Variants in ANK3 observed in about 807,000 individuals in gnomAD.
ANK3 encodes the protein ankyrin-3.
ANK3 carries 57 observed loss-of-function variants against 370.9 expected under a neutral mutation model. The ratio of observed to expected loss-of-function variants is 0.15; its 90% CI spans 0.12 to 0.19. ANK3 has a LOEUF of 0.19. Among genes scored for constraint, ANK3 ranks in the 10% least tolerant of loss-of-function variants. The pLI, the probability that ANK3 is intolerant of heterozygous loss-of-function variation, is 1.00. For synonymous variants in ANK3, 1,929 were observed against 1,946.3 expected, an observed-to-expected ratio of 0.99 and a Z score of 0.23; for missense variants, 4,439 against 5,302.1, an observed-to-expected ratio of 0.84 and a Z score of 5.06.
At position 60,478,339 on chromosome 10, in the gene ANK3, T is replaced by TA. The variant is rs1482806627; in HGVS notation, c.96+136846dup. ...ACAGTCACATATTTTTCTGCAATGC[T>TA]AAAAAAATCTGTAGCTATTTCAGTA... On this transcript the variant is annotated intron_variant, in intron 2 of 43. Coordinates refer to the ANK3 transcript ENST00000373827. Among the ~76,000 whole-genome samples, 6 of 152,166 alleles carry TA rather than the reference T, an allele frequency of 3.9e-5. No homozygotes were observed. The East Asian group carries it at 5.8e-4, about 15-fold the overall frequency.
At chr10:60,534,513 T>C (rs2076679468) in intron 2 of ANK3, among the ~76,000 whole-genome samples, 1 of 152,084 alleles carries the variant, frequency 6.6e-6, no homozygotes, top group African/African-American at 2.4e-5. Flanking sequence ...TAATTGAAGT[T>C]GCTTCAAAGG....
chr10:60,156,598 C>T (rs2095335662), intron 23 of ANK3, among the ~76,000 whole-genome samples: 1 of 152,152 alleles, frequency 6.6e-6, no homozygotes, highest in Non-Finnish European at 1.5e-5. Context: ...ACTTCCTTTG[C>T]CAGAAAGAGA....
chr10:60,631,251 G>A (rs994775640), intron 1 of ANK3, among the ~76,000 whole-genome samples: 2 of 152,028 alleles, frequency 1.3e-5, no homozygotes, highest in Admixed American at 1.3e-4. Flanking sequence ...AATACTGGCC[G>A]GGCATGGTGG....
Position 60,205,300 on chromosome 10 carries a change from C to T in ANK3, c.1293+492G>A, listed in dbSNP as rs555276847. On this transcript the variant is annotated intron_variant, in intron 11 of 43. Coordinates refer to ENST00000280772, the MANE Select transcript of ANK3 (RefSeq NM_020987.5). ...GTCGTCTTGTGCAGGGTTTCTCAAC[C>T]TCAGCACATTTGACATTTTGAATCA... Among the ~76,000 whole-genome samples the T allele has an allele frequency of 9.1e-4, 138 of 152,288 alleles. 1 individual carries two copies. Among genetic ancestry groups the T allele is most frequent in the African/African-American group, 3.2e-3 (135 of 41,556 alleles).
chr10:60,622,208 T>C (rs1265667822), intron 1 of ANK3, among the ~76,000 whole-genome samples: 1 of 151,984 alleles, frequency 6.6e-6, no homozygotes, highest in Non-Finnish European at 1.5e-5. Context: ...AGCCAGTAAG[T>C]TTGTAGGTAG....
At chr10:60,500,786 A>G (rs10994386) in intron 2 of ANK3, among the ~76,000 whole-genome samples, 18,917 of 152,178 alleles carry the variant, frequency 0.12, 1,136 homozygotes, top group East Asian at 0.16. Context: ...GCCAAAGTGT[A>G]AGAACCACTG....
At chr10:60,246,701 G>C (rs950356840) in intron 7 of ANK3, among the ~76,000 whole-genome samples, 5 of 152,322 alleles carry the variant, frequency 3.3e-5, no homozygotes, top group Admixed American at 6.5e-5. Flanking sequence ...ACAGTACAAG[G>C]CTGTTTATTG....
chr10:60,200,206 T>C lies in ANK3; in HGVS notation c.1414A>G (p.Met472Val), dbSNP rs2096650962. The C allele has an allele frequency of 3.1e-6, 5 of 1,614,124 alleles. No individual in the cohort carries two copies. The highest frequency in any genetic ancestry group is 4.2e-6 in the Non-Finnish European group (5 of 1,179,996). ...TNVRGETALHMAARSGQAEVV... is the reference protein window; with the variant it reads ...TNVRGETALHVAARSGQAEVV... ...TCAGCTTGGCCGGAGCGAGCTGCCA[T>C]GTGCAGTGCTGTTTCTCCTCTCTGG... Residue 472 changes from methionine (M) to valine (V), a missense_variant, in exon 13 of 44, where the codon ATG becomes GTG. By Grantham distance (21) the Met-to-Val change is conservative. Around this residue, in one of 13 missense-constraint regions of ANK3, gnomAD observed 227 missense variants for 377.6 expected, o/e 0.60. Coordinates refer to ENST00000280772, the MANE Select transcript of ANK3 (RefSeq NM_020987.5).
intron 2 of ANK3, 39 bp from the exon 3 acceptor site, chr10:60,279,187 G>A: frequency 1.9e-6 from 3 of 1,574,476 alleles, no homozygotes; most frequent in Middle Eastern, 1.7e-4. Flanking sequence ...TCAGCAGGTT[G>A]AAAATAGAGC....
intron 31 of ANK3, 28 bp downstream of exon 31, chr10:60,085,129 T>G (rs2086336943): frequency 6.4e-7 from 1 of 1,568,512 alleles, no homozygotes; most frequent in African/African-American, 1.4e-5. Flanking sequence ...AATTCCTTAC[T>G]GCTTTTTGGA....
Position 60,300,413 on chromosome 10 carries a change from T to C in ANK3, c.115-20774A>G, listed in dbSNP as rs1391699347. ...ATTAGTTAACACTTTGGACAGAGCA[T>C]CACATCTAAAAATATCTGCCTTCGG... On this transcript the variant is annotated intron_variant, in intron 1 of 43. Coordinates refer to ENST00000280772, the MANE Select transcript of ANK3 (RefSeq NM_020987.5). 5.4e-6 allele frequency: 7 copies of C among 1,289,300 alleles called. No individual in the cohort carries two copies. The South Asian group carries it at 6.2e-5, about 11-fold the overall frequency. 79.9% of individuals were successfully genotyped at this position (1,289,300 alleles called of 1,614,324 possible). A position where few individuals can be genotyped will look rare whatever the true frequency, so the allele number is the denominator to read the frequency against.
At chr10:60,390,071 T>C (rs896199498), upstream of ANK3, among the ~76,000 whole-genome samples, 7 of 152,204 alleles carry the variant, frequency 4.6e-5, no homozygotes, top group African/African-American at 1.7e-4. Context: ...CCTGATAGAA[T>C]GGAGCTGTTC....
intron 2 of ANK3, among the ~76,000 whole-genome samples, chr10:60,566,095 A>G (rs563561429): frequency 1.3e-5 from 2 of 152,214 alleles, no homozygotes; most frequent in East Asian, 3.9e-4. Context: ...CTATTTGGTG[A>G]TCTAGGATCA....
chr10:60,329,444 AC>A (rs1412193003), intron 1 of ANK3, among the ~76,000 whole-genome samples: 1 of 152,246 alleles, frequency 6.6e-6, no homozygotes, highest in African/African-American at 2.4e-5. Flanking sequence ...GTCCCAGGAT[AC>A]AAAACCAATA....
chr10:60,031,253 A>G (rs1464119122), intron 43 of ANK3, among the ~76,000 whole-genome samples: 1 of 152,194 alleles, frequency 6.6e-6, no homozygotes, highest in African/African-American at 2.4e-5. Flanking sequence ...TTTCCTGTCC[A>G]TGTCAGTCAT....
intron 18 of ANK3, among the ~76,000 whole-genome samples, chr10:60,178,149 T>G (rs1222205561): frequency 6.6e-6 from 1 of 152,212 alleles, no homozygotes; most frequent in East Asian, 1.9e-4. Context: ...CCTGGTACAT[T>G]AAGGCCCTCT....
At chr10:60,630,146 T>C (rs2078462540) in intron 1 of ANK3, among the ~76,000 whole-genome samples, 2 of 152,138 alleles carry the variant, frequency 1.3e-5, no homozygotes, top group African/African-American at 4.8e-5. Flanking sequence ...AATCTGAGTG[T>C]CAGTTTCTTA....
intron 4 of ANK3, 61 bp from the exon 5 acceptor site, chr10:60,270,290 G>T: frequency 8.8e-7 from 1 of 1,139,358 alleles, no homozygotes; most frequent in Non-Finnish European, 1.2e-6. Context: ...ATTTTTCCAT[G>T]GTACTGATGA....
chr10:60,676,479 C>G (rs2079127135), intron 1 of ANK3, among the ~76,000 whole-genome samples: 1 of 152,124 alleles, frequency 6.6e-6, no homozygotes, highest in Non-Finnish European at 1.5e-5. Flanking sequence ...ATGACACATA[C>G]CAGTACTTTG....
Sources: allele counts gnomAD v4.1 joint callset (sites outside exome capture counted in the v4.1 genomes callset), GRCh38; gene constraint gnomAD v4.1.1; regional missense constraint gnomAD v4.1.1; transcripts MANE v1.5; gene names NCBI Gene and HGNC (gene_info 2026-07-23, HGNC 2026-07-21).